STAG1: variants seen among roughly 807,000 people sequenced by gnomAD.
STAG1 encodes cohesin subunit SA-1.
A neutral mutation model predicts 170.9 loss-of-function variants in STAG1; 26 were observed. The ratio of observed to expected loss-of-function variants is 0.15; its 90% CI spans 0.11 to 0.21. The LOEUF (loss-of-function observed/expected upper bound fraction) is 0.21. STAG1 is among the 10% of genes least tolerant of loss of function. The pLI is 1.00. For missense variants in STAG1, 964 were observed against 1,509.5 expected (o/e 0.64, Z 5.99); for synonymous variants, 514 against 497.7 (o/e 1.03, Z -0.44).
intron 5 of STAG1, among the ~76,000 whole-genome samples, chr3:136,560,493 C>A (rs1046231660): frequency 2.4e-4 from 37 of 152,242 alleles, no homozygotes; most frequent in African/African-American, 8.9e-4. Context: ...TAACTTATTC[C>A]AATAAACACT....
intron 1 of STAG1, among the ~76,000 whole-genome samples, chr3:136,681,927 T>G (rs1942349909): frequency 6.6e-6 from 1 of 152,144 alleles, no homozygotes; most frequent in Non-Finnish European, 1.5e-5. Flanking sequence ...ATACTCAATG[T>G]TTAAAGATAA....
chr3:136,683,981 A>C (rs1300915063), intron 1 of STAG1, among the ~76,000 whole-genome samples: 1 of 152,246 alleles, frequency 6.6e-6, no homozygotes, highest in Non-Finnish European at 1.5e-5. Flanking sequence ...CAAAACATGT[A>C]CAAGATATAT....
chr3:136,504,547 T>A (rs1168023936), intron 7 of STAG1, among the ~76,000 whole-genome samples: 3 of 152,192 alleles, frequency 2.0e-5, no homozygotes, highest in Admixed American at 2.0e-4. Context: ...TTAAACTGTA[T>A]AAGGAAAGAG....
rs564549585 is a variant in STAG1, at chr3:136,747,398, C to T, written c.-84+4797G>A. ...AGTGTGATCCAAGGCATTTAAATTCCTTAACTTCGGCCACACACACTGGCT... is the reference window on the plus strand; with the variant it reads ...AGTGTGATCCAAGGCATTTAAATTCTTTAACTTCGGCCACACACACTGGCT... On this transcript the variant is annotated intron_variant, in intron 1 of 33. Transcript: ENST00000383202. 3.4e-4 allele frequency among the ~76,000 whole-genome samples: 51 copies of T among 152,224 alleles called. 1 individual carries two copies. The highest frequency in any genetic ancestry group is 3.4e-3 in the Middle Eastern group (1 of 294).
chr3:136,521,453 C>T (rs767897092), intron 6 of STAG1, 36 bp from the exon 7 acceptor site: 1 of 1,581,226 alleles, frequency 6.3e-7, no homozygotes, highest in Non-Finnish European at 8.7e-7. Context: ...AAGTATGTCA[C>T]ATTACAGAGT....
chr3:136,509,074 CA>C (rs139686632), intron 7 of STAG1, among the ~76,000 whole-genome samples: 1 of 152,166 alleles, frequency 6.6e-6, no homozygotes, highest in African/African-American at 2.4e-5. Flanking sequence ...ACTTGAGAGA[CA>C]AAGTTCTTGA....
At chr3:136,580,418 G>A (rs922276010) in intron 4 of STAG1, among the ~76,000 whole-genome samples, 8 of 151,234 alleles carry the variant, frequency 5.3e-5, no homozygotes, top group African/African-American at 1.7e-4. Context: ...AAGATTAGAA[G>A]CACTAAACAG....
At chr3:136,518,421 A>G in intron 7 of STAG1, 1 of 700,382 alleles carries the variant, frequency 1.4e-6, no homozygotes. Context: ...TTGTCCTGCA[A>G]AGTGAATAAA....
chr3:136,456,082 T>C (rs2089104005), intron 13 of STAG1, among the ~76,000 whole-genome samples: 1 of 152,196 alleles, frequency 6.6e-6, no homozygotes, highest in African/African-American at 2.4e-5. Flanking sequence ...AAGCGGTAGC[T>C]ATCTCTTCAA....
At chr3:136,713,149 AAATAAT>A (rs1362714188) in intron 1 of STAG1, among the ~76,000 whole-genome samples, 1 of 152,202 alleles carries the variant, frequency 6.6e-6, no homozygotes, top group Non-Finnish European at 1.5e-5. Flanking sequence ...CCCAAACTAA[AAATAAT>A]GTAATATCCA....
At chr3:136,340,724 A>C (rs973964006) in intron 31 of STAG1, 119 bp from the exon 32 acceptor site, 1 of 644,448 alleles carries the variant, frequency 1.6e-6, no homozygotes, top group African/African-American at 1.8e-5. Flanking sequence ...CATGACCTAC[A>C]GACTACACAA....
intron 5 of STAG1, among the ~76,000 whole-genome samples, chr3:136,543,769 C>T (rs994463364): frequency 6.6e-6 from 1 of 152,116 alleles, no homozygotes; most frequent in Non-Finnish European, 1.5e-5. Context: ...TTACTTAGCA[C>T]ATGGGAAACA....
intron 1 of STAG1, among the ~76,000 whole-genome samples, chr3:136,657,871 T>C (rs558236917): frequency 1.2e-4 from 19 of 152,282 alleles, no homozygotes; most frequent in Non-Finnish European, 2.4e-4. Flanking sequence ...TGCACTAGAA[T>C]GCAATAGTAG....
chr3:136,591,284 CGGGAAGGT>C (rs1218033174), intron 4 of STAG1, among the ~76,000 whole-genome samples: 21 of 91,484 alleles, frequency 2.3e-4, no homozygotes, highest in Middle Eastern at 7.5e-3. Flanking sequence ...GGAGGGAAGG[CGGGAAGGT>C]GGGAAGGCAG....
chr3:136,456,230 T>C (rs1467285392), intron 13 of STAG1, among the ~76,000 whole-genome samples: 1 of 152,146 alleles, frequency 6.6e-6, no homozygotes, highest in African/African-American at 2.4e-5. Flanking sequence ...TTAAAAAGAA[T>C]TTTAAGGAAT....
At chr3:136,464,837 C>T (rs1165645891) in intron 13 of STAG1, 44 bp downstream of exon 13, 4 of 1,503,796 alleles carry the variant, frequency 2.7e-6, no homozygotes, top group Non-Finnish European at 3.6e-6. Context: ...AACAAGAAAA[C>T]AACATAGAAA....
intron 7 of STAG1, among the ~76,000 whole-genome samples, chr3:136,512,131 G>A (rs1934100807): frequency 7.0e-6 from 1 of 142,974 alleles, no homozygotes. Context: ...GGAAAGGAAA[G>A]GAAAAGGAAA....
intron 30 of STAG1, among the ~76,000 whole-genome samples, chr3:136,343,414 CAA>C (rs773381316): frequency 2.0e-5 from 3 of 152,160 alleles, no homozygotes; most frequent in East Asian, 1.9e-4. Flanking sequence ...TAAAATGTAA[CAA>C]GACAAAATAT....
intron 13 of STAG1, among the ~76,000 whole-genome samples, chr3:136,456,756 T>C (rs1482462122): frequency 1.3e-5 from 2 of 152,066 alleles, no homozygotes; most frequent in East Asian, 1.9e-4. Context: ...ATTCAAAGCA[T>C]CAAAAGAAAA....
Sources: gnomAD v4.1 joint callset for allele counts (sites outside exome capture counted in the v4.1 genomes callset) on GRCh38, gnomAD v4.1.1 for gene constraint, MANE v1.5 for transcripts, NCBI Gene and HGNC (gene_info 2026-07-23, HGNC 2026-07-21) for gene names.